The following TCF12 variants were observed in gnomAD, a reference collection of about 807,000 sequenced individuals.
TCF12 encodes DNA-binding protein HTF4.
Under a neutral mutation model 86.0 loss-of-function variants are expected in TCF12, and 45 were observed. That is an observed-to-expected ratio of 0.52 (90% CI 0.41 to 0.67). The LOEUF (loss-of-function observed/expected upper bound fraction) is 0.67. Among genes scored for constraint, TCF12 ranks in the 30% least tolerant of loss-of-function variants. The pLI, the probability that TCF12 is intolerant of heterozygous loss-of-function variation, is 0.00. For missense variants in TCF12, 881 were observed against 859.9 expected (o/e 1.02, Z -0.31); for synonymous variants, 330 against 299.6 (o/e 1.10, Z -1.05).
At chr15:56,920,332 GTGT>G (rs1415883849) in intron 2 of TCF12, among the ~76,000 whole-genome samples, 1 of 152,078 alleles carries the variant, frequency 6.6e-6, no homozygotes, top group Non-Finnish European at 1.5e-5. Context: ...ATATGAAAAA[GTGT>G]TGTTTTTTTC....
At chr15:57,255,241 T>G (rs2060294872) in intron 16 of TCF12, among the ~76,000 whole-genome samples, 1 of 148,634 alleles carries the variant, frequency 6.7e-6, no homozygotes, top group Non-Finnish European at 1.5e-5. Context: ...GAGAAAGTTG[T>G]TTTTTTACCA....
chr15:57,161,611 C>A (rs761581309), intron 5 of TCF12, among the ~76,000 whole-genome samples: 1 of 152,046 alleles, frequency 6.6e-6, no homozygotes, highest in South Asian at 2.1e-4. Context: ...GGTTTCTTAA[C>A]CTGGAGTCCA....
At chr15:57,213,845 T>C (rs1316375766) in intron 8 of TCF12, among the ~76,000 whole-genome samples, 1 of 152,234 alleles carries the variant, frequency 6.6e-6, no homozygotes, top group Non-Finnish European at 1.5e-5. Flanking sequence ...GTTGTTAGAT[T>C]GCCTAACGAG....
chr15:56,930,176 A>G (rs2060184697), intron 3 of TCF12, among the ~76,000 whole-genome samples: 1 of 152,190 alleles, frequency 6.6e-6, no homozygotes, highest in African/African-American at 2.4e-5. Context: ...TGGGCATGGA[A>G]GGTATCTCTG....
rs182705533 is a variant in TCF12 at position 57,236,837 on chromosome 15, A to T, written c.1035+2730A>T. Reference sequence around the variant, plus strand: ...CTGTGGATTATGCATTAGTTTAGATAAAAAAAAAGAAAAAAAAAAAACCTA... The same window carrying T: ...CTGTGGATTATGCATTAGTTTAGATTAAAAAAAAGAAAAAAAAAAAACCTA... On this transcript the variant is annotated intron_variant, in intron 12 of 20. Transcript: ENST00000333725. Among the ~76,000 whole-genome samples, 329 of 149,048 alleles carry T rather than the reference A, an allele frequency of 2.2e-3. 5 individuals are homozygous for T. In the South Asian group the frequency reaches 0.041, roughly 18 times the overall value.
intron 3 of TCF12, among the ~76,000 whole-genome samples, chr15:57,024,216 C>CTTTTTTTTTTT (rs59793819): frequency 2.7e-5 from 3 of 111,300 alleles, no homozygotes; most frequent in Admixed American, 1.1e-4. Context: ...AAAAAAGTGT[C>CTTTTTTTTTTT]TTTTTTTTTT....
At chr15:56,935,600 A>G (rs772085299) in intron 3 of TCF12, among the ~76,000 whole-genome samples, 69 of 152,258 alleles carry the variant, frequency 4.5e-4, no homozygotes, top group Non-Finnish European at 7.5e-4. Context: ...ACTGAACACA[A>G]TATGTAGTCT....
At chr15:57,208,223 C>T (rs11856055) in intron 8 of TCF12, among the ~76,000 whole-genome samples, 66,602 of 150,636 alleles carry the variant, frequency 0.44, 16,032 homozygotes, top group East Asian at 0.64. Context: ...TTAGTAGAGA[C>T]GGGTTTCACC....
intron 5 of TCF12, among the ~76,000 whole-genome samples, chr15:57,163,029 C>G (rs2151520269): frequency 6.6e-6 from 1 of 152,064 alleles, no homozygotes; most frequent in African/African-American, 2.4e-5. Context: ...CAAAAATTTG[C>G]CGGGTGTGGT....
At chr15:57,139,132 GTT>G (rs1459262118) in intron 5 of TCF12, among the ~76,000 whole-genome samples, 4 of 152,164 alleles carry the variant, frequency 2.6e-5, no homozygotes, top group Non-Finnish European at 5.9e-5. Flanking sequence ...GTCTCAGTCT[GTT>G]TTTCTCTCTC....
At chr15:57,020,790 C>T (rs966930605) in intron 3 of TCF12, among the ~76,000 whole-genome samples, 3 of 152,004 alleles carry the variant, frequency 2.0e-5, no homozygotes, top group Non-Finnish European at 2.9e-5. Flanking sequence ...CAATGCTAAG[C>T]TTTCTTTTAG....
At chr15:56,998,615 T>G (rs553771445) in intron 3 of TCF12, among the ~76,000 whole-genome samples, 2 of 152,248 alleles carry the variant, frequency 1.3e-5, no homozygotes, top group South Asian at 4.2e-4. Flanking sequence ...AATTCTTTTC[T>G]TAGGAATAGA....
At chr15:57,166,966 A>G (rs1166058529) in intron 6 of TCF12, among the ~76,000 whole-genome samples, 1 of 152,178 alleles carries the variant, frequency 6.6e-6, no homozygotes, top group Non-Finnish European at 1.5e-5. Context: ...GCTAATGGGC[A>G]TCTTTTCTGC....
chr15:57,050,989 C>T (rs866874226), intron 3 of TCF12, among the ~76,000 whole-genome samples: 1 of 152,162 alleles, frequency 6.6e-6, no homozygotes, highest in African/African-American at 2.4e-5. Context: ...TTGTCATCCT[C>T]GGATATGTTG....
At chr15:57,145,341 C>T (rs2151427591) in intron 5 of TCF12, among the ~76,000 whole-genome samples, 1 of 152,188 alleles carries the variant, frequency 6.6e-6, no homozygotes, top group South Asian at 2.1e-4. Flanking sequence ...ACATTTATGA[C>T]CTTTGGTAAT....
At chr15:57,235,777 G>A (rs926528086) in intron 12 of TCF12, among the ~76,000 whole-genome samples, 1 of 151,898 alleles carries the variant, frequency 6.6e-6, no homozygotes, top group Admixed American at 6.6e-5. Context: ...CTGCATTTTG[G>A]GGGCTTTTTT....
At chr15:57,032,332 A>G (rs1254517218) in intron 3 of TCF12, among the ~76,000 whole-genome samples, 1 of 152,340 alleles carries the variant, frequency 6.6e-6, no homozygotes, top group Admixed American at 6.5e-5. Context: ...CAGAGGGCAT[A>G]TTGGAACTTG....
intron 13 of TCF12, among the ~76,000 whole-genome samples, chr15:57,250,135 T>C (rs1477491623): frequency 2.0e-5 from 3 of 152,220 alleles, no homozygotes; most frequent in African/African-American, 2.4e-5. Flanking sequence ...TTAATGTATT[T>C]GGTATAAACT....
chr15:57,139,892 C>T (rs1413030595), intron 5 of TCF12, among the ~76,000 whole-genome samples: 1 of 152,196 alleles, frequency 6.6e-6, no homozygotes, highest in African/African-American at 2.4e-5. Context: ...CATTCACTCA[C>T]AGTCCTATCA....
Sources: gnomAD v4.1 joint callset for allele counts (sites outside exome capture counted in the v4.1 genomes callset) on GRCh38, gnomAD v4.1.1 for gene constraint, MANE v1.5 for transcripts, NCBI Gene and HGNC (gene_info 2026-07-23, HGNC 2026-07-21) for gene names.